Variants in PLA2G4C observed in about 807,000 individuals in gnomAD.
The protein encoded by PLA2G4C is phospholipase A2 group IVC, also known as cytosolic phospholipase A2 gamma.
A neutral mutation model predicts 73.8 loss-of-function variants in PLA2G4C; 64 were observed. That is an observed-to-expected ratio of 0.87 (90% CI 0.71 to 1.07). The LOEUF (loss-of-function observed/expected upper bound fraction) is 1.07. Among genes scored for constraint, PLA2G4C ranks in the 50% least tolerant of loss-of-function variants. The probability of loss-of-function intolerance (pLI) is 0.00; values close to 1 mark genes in which losing one functional copy is unlikely to be tolerated. For missense variants in PLA2G4C, 622 were observed against 665.4 expected, an observed-to-expected ratio of 0.93 and a Z score of 0.72; for synonymous variants, 254 against 252.1, an observed-to-expected ratio of 1.01 and a Z score of -0.07.
intron 4 of PLA2G4C, among the ~76,000 whole-genome samples, chr19:48,102,799 G>A (rs547435966): frequency 4.7e-4 from 72 of 152,278 alleles, no homozygotes; most frequent in Middle Eastern, 3.4e-3. Context: ...GAACTTGACC[G>A]TTCTGCAGTT....
At chr19:48,089,938 G>A (rs897386200) in intron 8 of PLA2G4C, among the ~76,000 whole-genome samples, 1 of 152,192 alleles carries the variant, frequency 6.6e-6, no homozygotes, top group Non-Finnish European at 1.5e-5. Flanking sequence ...GCCTCTTAGG[G>A]TATTAAAGGG....
chr19:48,109,967 G>A (rs1301528629), intron 1 of PLA2G4C, among the ~76,000 whole-genome samples: 1 of 151,760 alleles, frequency 6.6e-6, no homozygotes, highest in African/African-American at 2.4e-5. Context: ...TTTATAAGGA[G>A]AGATTAGGGC....
rs746388895 is a variant in PLA2G4C, at chr19:48,054,922, G to C, written c.1385C>G (p.Pro462Arg). ...SCYILKGETG[P>R]VVMHFPLFNI... The stretch of plus-strand genomic sequence containing the variant: ...GAACAGGGGAAAATGCATCACCACT[G>C]GTCCAGTTTCTCCTTTCAGGATGTA... The change falls in exon 15 of 17, where the codon CCA becomes CGA. Residue 462 changes from proline (P) to arginine (R), a missense_variant. By Grantham distance (103) the Pro-to-Arg change is moderately radical. Coordinates refer to ENST00000599921, the MANE Select transcript of PLA2G4C (RefSeq NM_003706.3). 3.7e-6 allele frequency: 6 copies of C among 1,613,926 alleles called. No homozygotes were observed. Among genetic ancestry groups the C allele is most frequent in the Non-Finnish European group, 5.1e-6 (6 of 1,179,998 alleles).
In PLA2G4C at chr19:48,085,123, A is replaced by T; in HGVS notation, c.791-11T>A. The T allele has an allele frequency of 6.3e-7, 1 of 1,598,778 alleles. No homozygotes were observed. Among genetic ancestry groups the T allele is most frequent in the South Asian group, 1.1e-5 (1 of 90,746 alleles). The stretch of plus-strand genomic sequence containing the variant: ...CCCTTCTCCATAAACCTGCCAAGAA[A>T]ATAGCAATAAAATTCAAACATTCTC... On this transcript the variant is annotated splice_polypyrimidine_tract_variant and intron_variant, in intron 9 of 16. Transcript: ENST00000599921.
Position 48,105,352 on chromosome 19 carries a change from AG to A in PLA2G4C, c.100del (p.Leu34Ter). ...ACTTACCTCATCAGCCTCAATCCTTAGCTTCTTCAGAGCTTTCAGCACATGA... is the reference window on the plus strand; with the variant it reads ...ACTTACCTCATCAGCCTCAATCCTTACTTCTTCAGAGCTTTCAGCACATGA... ...RLHVLKALKK[L>X]RIEADEAPVV... On this transcript the variant is annotated frameshift_variant, in exon 3 of 17. Coordinates refer to ENST00000599921, the MANE Select transcript of PLA2G4C (RefSeq NM_003706.3). LOFTEE classifies it high-confidence loss of function. 2 of 1,612,920 alleles carry A rather than the reference AG, an allele frequency of 1.2e-6. No homozygotes were observed. The highest frequency in any genetic ancestry group is 1.7e-6 in the Non-Finnish European group (2 of 1,179,262).
At chr19:48,086,927 C>A (rs2031013298) in intron 9 of PLA2G4C, among the ~76,000 whole-genome samples, 1 of 152,196 alleles carries the variant, frequency 6.6e-6, no homozygotes, top group African/African-American at 2.4e-5. Flanking sequence ...TCTCCTGCCA[C>A]CCCCATTAGA....
At chr19:48,052,621 C>G (rs1344649650) in intron 16 of PLA2G4C, among the ~76,000 whole-genome samples, 1 of 152,156 alleles carries the variant, frequency 6.6e-6, no homozygotes, top group Non-Finnish European at 1.5e-5. Flanking sequence ...TGAAAACGGA[C>G]CAATATACAC....
chr19:48,105,452 G>A lies in PLA2G4C; in HGVS notation c.9-8C>T, dbSNP rs775412541. The A allele has an allele frequency of 6.2e-7, 1 of 1,600,918 alleles. No homozygotes were observed. The highest frequency in any genetic ancestry group is 2.2e-5 in the East Asian group (1 of 44,752). On this transcript the variant is annotated splice_polypyrimidine_tract_variant and splice_region_variant and intron_variant, in intron 2 of 16. Coordinates refer to ENST00000599921, the MANE Select transcript of PLA2G4C (RefSeq NM_003706.3). ...ATTATGGAAACTTCAGAGCTTCCCA[G>A]GAGAAAACACAAAGAAGTCCAGAAA...
chr19:48,075,001 G>A (rs2030043281), intron 11 of PLA2G4C, 127 bp from the exon 12 acceptor site: 1 of 590,726 alleles, frequency 1.7e-6, no homozygotes, highest in South Asian at 2.2e-5. Context: ...CCTTCTCCAG[G>A]TGACCCTCTC....
intron 5 of PLA2G4C, among the ~76,000 whole-genome samples, chr19:48,098,603 G>C (rs906939051): frequency 6.6e-6 from 1 of 151,138 alleles, no homozygotes; most frequent in Non-Finnish European, 1.5e-5. Context: ...GATAGGCTAG[G>C]TGCTGTGGCT....
intron 10 of PLA2G4C, among the ~76,000 whole-genome samples, chr19:48,082,688 G>A (rs953267925): frequency 5.4e-5 from 8 of 149,320 alleles, no homozygotes; most frequent in Non-Finnish European, 1.2e-4. Flanking sequence ...TAGTAGAAAC[G>A]AGGTTTCACC....
rs1270045756 is a variant in PLA2G4C at position 48,062,152 on chromosome 19, C to A, written c.1103G>T (p.Gly368Val). ...GCTCATTATCTTGTCCCGGATGCCACCTGTGGTGCCCAGGAAGAAAGAGGA... is the reference window on the plus strand; with the variant it reads ...GCTCATTATCTTGTCCCGGATGCCAACTGTGGTGCCCAGGAAGAAAGAGGA... ...GTTHNFLYKH[G>V]GIRDKIMSSR... The change falls in exon 14 of 17, where the codon GGT (glycine) becomes GTT (valine). Residue 368 changes from glycine to valine, a missense_variant and splice_region_variant. By Grantham distance (109) the Gly-to-Val change is moderately radical. Transcript: ENST00000599921. 5 of 1,552,174 alleles carry A rather than the reference C, an allele frequency of 3.2e-6. No individual in the cohort carries two copies. The African/African-American group carries it at 6.9e-5, about 21-fold the overall frequency.
chr19:48,052,691 T>C (rs1967770960), intron 16 of PLA2G4C, among the ~76,000 whole-genome samples: 1 of 152,300 alleles, frequency 6.6e-6, no homozygotes, highest in South Asian at 2.1e-4. Context: ...GCGCTGCTGA[T>C]ACCATGAATT....
At chr19:48,097,197 C>CCCGCCATCCTTCAA (rs1015800252) in intron 6 of PLA2G4C, 6 of 146,944 alleles carry the variant, frequency 4.1e-5, no homozygotes, top group African/African-American at 1.3e-4. Flanking sequence ...ACCCACCCAC[C>CCCGCCATCCTTCAA]CCGCCATCCT....
Position 48,109,695 on chromosome 19 carries a change from G to T in PLA2G4C, c.-33+792C>A, listed in dbSNP as rs11564508. On this transcript the variant is annotated intron_variant, in intron 1 of 16. Coordinates refer to ENST00000599921, the MANE Select transcript of PLA2G4C (RefSeq NM_003706.3). ...GATGGAGTCTCGCTTTGTGCCCTAGGCTGGAGTGCAGTGGCGCAGTCTCGG... is the reference window on the plus strand; with the variant it reads ...GATGGAGTCTCGCTTTGTGCCCTAGTCTGGAGTGCAGTGGCGCAGTCTCGG... Among the ~76,000 whole-genome samples, 37 of 152,148 alleles carry T rather than the reference G, an allele frequency of 2.4e-4. 1 individual carries two copies. The East Asian group carries it at 6.4e-3, about 26-fold the overall frequency.
chr19:48,085,183 C>A, intron 9 of PLA2G4C, 71 bp from the exon 10 acceptor site: 4 of 1,059,058 alleles, frequency 3.8e-6, no homozygotes, highest in South Asian at 2.5e-5. Flanking sequence ...ATTCAAAGCA[C>A]CAGCAGACTG....
At chr19:48,097,994 C>G (rs1227347335) in intron 6 of PLA2G4C, 145 bp downstream of exon 6, 3 of 845,428 alleles carry the variant, frequency 3.5e-6, no homozygotes, top group Non-Finnish European at 5.5e-6. Flanking sequence ...CTTCTCTCGT[C>G]TAAGCTGAGC....
chr19:48,108,806 G>C (rs1375074083), intron 1 of PLA2G4C: 1 of 152,260 alleles, frequency 6.6e-6, no homozygotes, highest in South Asian at 2.1e-4. Context: ...GCGGGCGCCT[G>C]TAATCCCAGC....
chr19:48,053,703 C>T (rs1178145799), intron 15 of PLA2G4C, among the ~76,000 whole-genome samples: 1 of 152,118 alleles, frequency 6.6e-6, no homozygotes, highest in Admixed American at 6.6e-5. Flanking sequence ...ACTACTCTAG[C>T]CTGCCTCTCC....
Sources: gnomAD v4.1 joint callset for allele counts (sites outside exome capture counted in the v4.1 genomes callset) on GRCh38, gnomAD v4.1.1 for gene constraint, MANE v1.5 for transcripts, NCBI Gene and HGNC (gene_info 2026-07-23, HGNC 2026-07-21) for gene names.